MAP3K7: variants seen among roughly 807,000 people sequenced by gnomAD.
The protein encoded by MAP3K7 is mitogen-activated protein kinase kinase kinase 7.
MAP3K7 carries 21 observed loss-of-function variants against 84.8 expected under a neutral mutation model. The ratio of observed to expected loss-of-function variants is 0.25; its 90% CI spans 0.18 to 0.36. The LOEUF is 0.36. Ranked by LOEUF, MAP3K7 falls within the 10% of genes least tolerant of loss-of-function variation. The pLI is 1.00. For missense variants in MAP3K7, 503 were observed against 747.7 expected (o/e 0.67, Z 3.82); for synonymous variants, 241 against 247.7 (o/e 0.97, Z 0.25).
At chr6:90,534,993 C>CT (rs770558946) in intron 13 of MAP3K7, among the ~76,000 whole-genome samples, 23 of 151,992 alleles carry the variant, frequency 1.5e-4, no homozygotes, top group Non-Finnish European at 3.2e-4. Flanking sequence ...GCCAAAAGTT[C>CT]TGGGGTCTTA....
intron 13 of MAP3K7, among the ~76,000 whole-genome samples, chr6:90,528,814 ATAAAT>A (rs1369997274): frequency 1.3e-5 from 2 of 152,228 alleles, no homozygotes; most frequent in East Asian, 3.8e-4. Flanking sequence ...GAAAAAAATC[ATAAAT>A]TAACTTTGAA....
In MAP3K7 at chr6:90,548,188, C is replaced by A. The variant is rs1776066005; in HGVS notation, c.950-11G>T. On this transcript the variant is annotated splice_polypyrimidine_tract_variant and intron_variant, in intron 9 of 16. Coordinates refer to ENST00000369329, the MANE Select transcript of MAP3K7 (RefSeq NM_145331.3). Reference sequence around the variant, plus strand: ...TGTCCATGAATGAGCCTAGGAAAAGCAGAAACATTTATGACTAATGGCTGG... The same window carrying A: ...TGTCCATGAATGAGCCTAGGAAAAGAAGAAACATTTATGACTAATGGCTGG... 1 of 1,599,784 alleles carries A rather than the reference C, an allele frequency of 6.3e-7. No homozygotes were observed. Among genetic ancestry groups the A allele is most frequent in the East Asian group, 2.3e-5 (1 of 44,376 alleles).
At chr6:90,562,780 G>A (rs1776569569) in intron 3 of MAP3K7, among the ~76,000 whole-genome samples, 1 of 152,224 alleles carries the variant, frequency 6.6e-6, no homozygotes, top group Non-Finnish European at 1.5e-5. Flanking sequence ...GCCTTCTCAA[G>A]TGGGTCCCTG....
At chr6:90,548,589 T>C (rs1203460443) in intron 9 of MAP3K7, among the ~76,000 whole-genome samples, 2 of 151,976 alleles carry the variant, frequency 1.3e-5, no homozygotes, top group Non-Finnish European at 2.9e-5. Context: ...AGGTATAAGA[T>C]GGAAAACATT....
Position 90,556,608 on chromosome 6 carries a change from C to T in MAP3K7, c.499G>A (p.Gly167Arg). The change falls in exon 6 of 17, where the codon GGG becomes AGG. Residue 167 changes from glycine to arginine, a missense_variant. Gly to Arg is a moderately radical substitution (Grantham distance 125). This residue lies in a region of MAP3K7 where 97 missense variants were observed against 270.8 expected (regional missense o/e 0.36). Transcript: ENST00000369329. ...LKPPNLLLVA[G>R]GTVLKICDFG... ...TCACAAATTTTTAGAACTGTCCCCC[C>T]TGCAACCAGCAGTAAGCTGTTTAAA... 6.2e-7 allele frequency: 1 copy of T among 1,607,948 alleles called. No homozygotes were observed. Among genetic ancestry groups the T allele is most frequent in the Non-Finnish European group, 8.5e-7 (1 of 1,177,856 alleles).
At chr6:90,551,282 A>G (rs1343422513) in intron 8 of MAP3K7, 1 of 152,162 alleles carries the variant, frequency 6.6e-6, no homozygotes, top group Non-Finnish European at 1.5e-5. Context: ...TTTACCATTT[A>G]GGAAATTACT....
chr6:90,561,807 A>G (rs1776525149), intron 3 of MAP3K7, 140 bp from the exon 4 acceptor site: 2 of 644,030 alleles, frequency 3.1e-6, no homozygotes, highest in Non-Finnish European at 5.6e-6. Flanking sequence ...GAATAGTACT[A>G]GGGAAGGAAA....
chr6:90,586,910 G>A lies in MAP3K7; in HGVS notation c.-27C>T, dbSNP rs1318317652. 3.8e-6 allele frequency: 6 copies of A among 1,594,824 alleles called. No homozygotes were observed. Among genetic ancestry groups the A allele is most frequent in the South Asian group, 1.1e-5 (1 of 89,886 alleles). ...ATCCCTCGCGGCGCCCGGTGGGGCC[G>A]GGAACGGTGCCACCCGGACAATCCG... is the stretch of plus-strand genomic sequence containing the variant. On this transcript the variant is annotated 5_prime_UTR_variant, in exon 1 of 17. Coordinates refer to ENST00000369329, the MANE Select transcript of MAP3K7 (RefSeq NM_145331.3).
chr6:90,542,388 A>G, intron 12 of MAP3K7: 1 of 982,848 alleles, frequency 1.0e-6, no homozygotes, highest in Non-Finnish European at 1.2e-6. Flanking sequence ...AATATTTAAT[A>G]AAAGGTATTA....
At position 90,548,114 on chromosome 6, in the gene MAP3K7, A is replaced by G. The variant is rs890285458; in HGVS notation, c.1013T>C (p.Val338Ala). ...CTTAATAGTATCATTTGTGGCAGGA[A>G]CTTGCTCCATATTAGTGTCACTTTT... Reference protein sequence around the residue: ...SNKSDTNMEQVPATNDTIKRL... With the variant: ...SNKSDTNMEQAPATNDTIKRL... The change falls in exon 10 of 17, where the codon GTT becomes GCT. Residue 338 changes from valine (V) to alanine (A), a missense_variant. Val to Ala is a moderately conservative substitution (Grantham distance 64, BLOSUM62 0). Transcript: ENST00000369329. 3 of 1,612,270 alleles carry G rather than the reference A, an allele frequency of 1.9e-6. No homozygotes were observed. In the African/African-American group the frequency reaches 4.0e-5, roughly 22 times the overall value.
At chr6:90,518,623 G>A (rs1582154963) in intron 15 of MAP3K7, 61 bp from the exon 16 acceptor site, 2 of 845,768 alleles carry the variant, frequency 2.4e-6, no homozygotes, top group East Asian at 2.5e-5. Context: ...TAGCTAAGAT[G>A]AGAGTCAAGA....
intron 8 of MAP3K7, chr6:90,551,466 T>G (rs2127974110): frequency 6.6e-6 from 1 of 151,684 alleles, no homozygotes; most frequent in African/African-American, 2.4e-5. Context: ...AGGCGCTTGA[T>G]TCACAGACTA....
At chr6:90,565,979 T>C (rs1258438732) in intron 3 of MAP3K7, among the ~76,000 whole-genome samples, 1 of 152,106 alleles carries the variant, frequency 6.6e-6, no homozygotes, top group Non-Finnish European at 1.5e-5. Context: ...ATTATCTCAA[T>C]AGATGCAGAA....
chr6:90,528,820 T>C (rs1342369745), intron 13 of MAP3K7, among the ~76,000 whole-genome samples: 2 of 152,184 alleles, frequency 1.3e-5, no homozygotes, highest in Non-Finnish European at 2.9e-5. Context: ...AATCATAAAT[T>C]AACTTTGAAG....
chr6:90,585,547 GAGAT>G (rs1459567737), intron 1 of MAP3K7, among the ~76,000 whole-genome samples: 2 of 151,310 alleles, frequency 1.3e-5, no homozygotes, highest in Non-Finnish European at 2.9e-5. Context: ...TAAATGGTAA[GAGAT>G]AGTATTTTCA....
At chr6:90,542,553 A>T in intron 12 of MAP3K7, 1 of 895,694 alleles carries the variant, frequency 1.1e-6, no homozygotes, top group Non-Finnish European at 1.3e-6. Context: ...AGAAGAAATT[A>T]CTCTAGCTTC....
At chr6:90,522,249 G>A (rs1023027416) in intron 14 of MAP3K7, among the ~76,000 whole-genome samples, 2 of 152,098 alleles carry the variant, frequency 1.3e-5, no homozygotes, top group African/African-American at 4.8e-5. Context: ...GAAGGTAGAA[G>A]CAACATATGA....
At chr6:90,545,162 T>C (rs565617497) in intron 11 of MAP3K7, among the ~76,000 whole-genome samples, 6 of 152,232 alleles carry the variant, frequency 3.9e-5, no homozygotes, top group African/African-American at 1.2e-4. Context: ...GTCATACTTA[T>C]ACATATTTCT....
At chr6:90,571,085 T>A (rs1262468205) in intron 2 of MAP3K7, among the ~76,000 whole-genome samples, 1 of 152,152 alleles carries the variant, frequency 6.6e-6, no homozygotes, top group Non-Finnish European at 1.5e-5. Flanking sequence ...TACAGGCCAC[T>A]TATCCATTGG....
Sources: gnomAD v4.1 joint callset for allele counts (sites outside exome capture counted in the v4.1 genomes callset) on GRCh38, gnomAD v4.1.1 for gene constraint, gnomAD v4.1.1 regional missense constraint, MANE v1.5 for transcripts, NCBI Gene and HGNC (gene_info 2026-07-23, HGNC 2026-07-21) for gene names.